Variants in SLC1A6 observed in about 807,000 individuals in gnomAD.
SLC1A6 encodes solute carrier family 1 member 6.
SLC1A6 carries 15 observed loss-of-function variants against 42.1 expected under a neutral mutation model. The ratio of observed to expected loss-of-function variants is 0.36; its 90% CI spans 0.24 to 0.55. The LOEUF (loss-of-function observed/expected upper bound fraction) is 0.55. Ranked by LOEUF, SLC1A6 falls within the 20% of genes least tolerant of loss-of-function variation. The pLI, the probability that SLC1A6 is intolerant of heterozygous loss-of-function variation, is 0.88. For missense variants in SLC1A6, 542 were observed against 772.5 expected (o/e 0.70, Z 3.54); for synonymous variants, 317 against 319.7 (o/e 0.99, Z 0.09).
intron 1 of SLC1A6, among the ~76,000 whole-genome samples, chr19:14,996,483 C>T (rs936117316): frequency 1.3e-5 from 2 of 151,842 alleles, no homozygotes; most frequent in African/African-American, 4.8e-5. Flanking sequence ...CCTTCTCCTT[C>T]CCCTTCTTTC....
intron 8 of SLC1A6, 95 bp from the exon 9 acceptor site, chr19:14,953,157 C>G (rs1001731522): frequency 2.0e-5 from 18 of 913,768 alleles, no homozygotes; most frequent in Non-Finnish European, 2.5e-5. Context: ...GAGATCAGCT[C>G]CCCAAGGCAT....
chr19:15,002,500 G>T (rs1455998565), intron 1 of SLC1A6, among the ~76,000 whole-genome samples: 1 of 152,124 alleles, frequency 6.6e-6, no homozygotes, highest in East Asian at 1.9e-4. Flanking sequence ...AGCCATGATC[G>T]CTTTGTAACC....
chr19:14,964,929 A>G (rs937905270), intron 4 of SLC1A6, among the ~76,000 whole-genome samples: 4 of 151,958 alleles, frequency 2.6e-5, no homozygotes, highest in African/African-American at 9.7e-5. Flanking sequence ...AAAACTATAG[A>G]TGTTGGCATT....
intron 1 of SLC1A6, among the ~76,000 whole-genome samples, chr19:14,978,548 T>C (rs947030201): frequency 6.6e-6 from 1 of 151,748 alleles, no homozygotes; most frequent in African/African-American, 2.4e-5. Flanking sequence ...GAAATGCAGC[T>C]CCATGCATGC....
At chr19:14,988,734 A>C (rs1410139113) in intron 1 of SLC1A6, among the ~76,000 whole-genome samples, 2 of 152,184 alleles carry the variant, frequency 1.3e-5, no homozygotes, top group African/African-American at 4.8e-5. Flanking sequence ...GTCAAATACT[A>C]GCTGGTGTGG....
chr19:14,991,437 G>A lies in SLC1A6; in HGVS notation c.7-18520C>T, dbSNP rs1210954903. On this transcript the variant is annotated intron_variant, in intron 1 of 8. Coordinates refer to the SLC1A6 transcript ENST00000430939. ...GTCAGGAGTTCAAGCCCCCTGGCCAGCATGGTGAAACCCCATCTCTACCAA... is the reference window on the plus strand; with the variant it reads ...GTCAGGAGTTCAAGCCCCCTGGCCAACATGGTGAAACCCCATCTCTACCAA... Among the ~76,000 whole-genome samples, 5 of 151,972 alleles carry A rather than the reference G, an allele frequency of 3.3e-5. 1 individual carries two copies. The highest frequency in any genetic ancestry group is 7.4e-5 in the Non-Finnish European group (5 of 67,956).
chr19:15,001,663 AC>A (rs2045873081), intron 1 of SLC1A6, among the ~76,000 whole-genome samples: 1 of 152,028 alleles, frequency 6.6e-6, no homozygotes, highest in Non-Finnish European at 1.5e-5. Flanking sequence ...AGTCTTCCTA[AC>A]CTTCTTATTT....
intron 7 of SLC1A6, among the ~76,000 whole-genome samples, chr19:14,955,625 A>G (rs2045455194): frequency 6.8e-6 from 1 of 146,534 alleles, no homozygotes; most frequent in Admixed American, 6.7e-5. Flanking sequence ...TGTCAAACGA[A>G]AAAGAAAAAG....
At chr19:14,989,204 C>T (rs879333516) in intron 1 of SLC1A6, among the ~76,000 whole-genome samples, 1 of 152,080 alleles carries the variant, frequency 6.6e-6, no homozygotes, top group Non-Finnish European at 1.5e-5. Context: ...AAAGCCTAGA[C>T]TTTAAGAGTA....
intron 9 of SLC1A6, among the ~76,000 whole-genome samples, chr19:14,952,399 C>A (rs996684463): frequency 2.1e-4 from 32 of 151,622 alleles, no homozygotes; most frequent in Admixed American, 1.8e-3. Flanking sequence ...ATACAAAAAA[C>A]CAAAAAATTA....
intron 1 of SLC1A6, among the ~76,000 whole-genome samples, chr19:15,001,271 AGAGCTACGAGGGGAG>A (rs1448504608): frequency 1.3e-5 from 2 of 152,208 alleles, no homozygotes; most frequent in East Asian, 3.9e-4. Flanking sequence ...CAATCTGACA[AGAGCTACGAGGGGAG>A]GAGGGATGGC....
chr19:14,953,681 C>T, intron 8 of SLC1A6, among the ~76,000 whole-genome samples: 1 of 152,164 alleles, frequency 6.6e-6, no homozygotes, highest in South Asian at 2.1e-4. Flanking sequence ...CCATTTTAAA[C>T]AGGGCTTCCC....
chr19:15,005,082 G>C (rs2145244625), intron 1 of SLC1A6, among the ~76,000 whole-genome samples: 1 of 152,058 alleles, frequency 6.6e-6, no homozygotes, highest in Non-Finnish European at 1.5e-5. Flanking sequence ...AACATAGCAA[G>C]ATCGTGTCTC....
intron 1 of SLC1A6, among the ~76,000 whole-genome samples, chr19:15,003,320 G>A (rs2045880999): frequency 6.6e-6 from 1 of 152,172 alleles, no homozygotes; most frequent in African/African-American, 2.4e-5. Context: ...TACAGCCATA[G>A]ACACAGGTCC....
rs771243500 is a variant in SLC1A6 at position 14,962,046 on chromosome 19, G to T, written c.891C>A (p.Asp297Glu). Residue 297 changes from aspartate to glutamate, a missense_variant, in exon 6 of 10, where the codon GAC becomes GAA. By Grantham distance (45) the Asp-to-Glu change is conservative (BLOSUM62 2). Coordinates refer to ENST00000594383, the MANE Select transcript of SLC1A6 (RefSeq NM_005071.3). The part of the protein sequence containing the change: ...HKGRVLRDFF[D>E]SLNEAIMRLV... ...GCCTCATAATAGCCTCATTGAGGCT[G>T]TCGAAGAAGTCCCTGAGGACTCTGC... 6.2e-7 allele frequency: 1 copy of T among 1,614,032 alleles called. No individual in the cohort carries two copies. Among genetic ancestry groups the T allele is most frequent in the Non-Finnish European group, 8.5e-7 (1 of 1,179,990 alleles).
At chr19:15,001,845 A>T (rs1473207824) in intron 1 of SLC1A6, among the ~76,000 whole-genome samples, 1 of 152,050 alleles carries the variant, frequency 6.6e-6, no homozygotes, top group Non-Finnish European at 1.5e-5. Flanking sequence ...CATTTTTTGT[A>T]GAGCCAGGGT....
intron 1 of SLC1A6, among the ~76,000 whole-genome samples, chr19:15,000,557 T>C (rs2045867596): frequency 6.6e-6 from 1 of 152,228 alleles, no homozygotes; most frequent in Non-Finnish European, 1.5e-5. Flanking sequence ...TTCTTTCTAA[T>C]GGCTAAATAG....
chr19:14,967,899 G>A (rs190450302), intron 4 of SLC1A6, among the ~76,000 whole-genome samples: 1 of 152,252 alleles, frequency 6.6e-6, no homozygotes. Context: ...CTGGCTCATT[G>A]ACAGAGGCTG....
upstream of SLC1A6, among the ~76,000 whole-genome samples, chr19:14,984,177 C>T (rs889926700): frequency 2.6e-5 from 4 of 152,150 alleles, no homozygotes; most frequent in Middle Eastern, 3.4e-3. Context: ...GGTATGGTGG[C>T]GCTTGCCTGT....
Sources: gnomAD v4.1 joint callset for allele counts (sites outside exome capture counted in the v4.1 genomes callset) on GRCh38, gnomAD v4.1.1 for gene constraint, MANE v1.5 for transcripts, NCBI Gene and HGNC (gene_info 2026-07-23, HGNC 2026-07-21) for gene names.